HDDC2: variants seen among roughly 807,000 people sequenced by gnomAD.
The protein encoded by HDDC2 is HD domain containing 2, also known as 5'-deoxynucleotidase HDDC2.
In HDDC2, 25 loss-of-function variants were observed where a neutral mutation model predicts 25.5. The observed-to-expected ratio is 0.98, with a 90% CI of 0.72 to 1.37. HDDC2 has a LOEUF of 1.37. HDDC2 is among the 40% of genes most tolerant of loss of function. HDDC2 has a pLI of 0.00. For missense variants in HDDC2, 264 were observed against 253.1 expected, an observed-to-expected ratio of 1.04 and a Z score of -0.29; for synonymous variants, 106 against 89.7, an observed-to-expected ratio of 1.18 and a Z score of -1.03.
chr6:125,292,840 C>T lies in HDDC2; in HGVS notation c.378+1G>A. ...AACAGTAACGTACCATATATACTTA[C>T]TTCCCAAAGTTCATAGAGCTCCTTT... On this transcript the variant is annotated splice_donor_variant, in intron 4 of 5. Transcript: ENST00000398153. LOFTEE classifies it high-confidence loss of function. 1 of 1,608,850 alleles carries T rather than the reference C, an allele frequency of 6.2e-7. No homozygotes were observed. The highest frequency in any genetic ancestry group is 1.1e-5 in the South Asian group (1 of 90,924).
Position 125,276,392 on chromosome 6 carries a change from T to C in HDDC2, c.518-149A>G, listed in dbSNP as rs57058404. On this transcript the variant is annotated intron_variant, in intron 5 of 5. Coordinates refer to ENST00000398153, the MANE Select transcript of HDDC2 (RefSeq NM_016063.3). ...CAAAGCAGAAAGAGATTCCAGGTCCTGGGAAGGGGCTGAAGGGGACCACTT... is the reference window on the plus strand; with the variant it reads ...CAAAGCAGAAAGAGATTCCAGGTCCCGGGAAGGGGCTGAAGGGGACCACTT... 241 of 640,038 alleles carry C rather than the reference T, an allele frequency of 3.8e-4. 6 individuals are homozygous for C. The East Asian group carries it at 6.4e-3, about 17-fold the overall frequency. 39.6% of individuals were successfully genotyped at this position (640,038 alleles called of 1,614,324 possible). A position where few individuals can be genotyped will look rare whatever the true frequency, so the allele number is the denominator to read the frequency against.
chr6:125,294,062 A>G (rs11753452), intron 3 of HDDC2, among the ~76,000 whole-genome samples: 5,994 of 152,214 alleles, frequency 0.039, 164 homozygotes, highest in Non-Finnish European at 0.058. Flanking sequence ...TTTATTTCTG[A>G]ATTACTCCAG....
intron 4 of HDDC2, among the ~76,000 whole-genome samples, chr6:125,286,205 A>G (rs1203798199): frequency 2.0e-5 from 3 of 152,236 alleles, no homozygotes; most frequent in Non-Finnish European, 4.4e-5. Flanking sequence ...AGAAACTGAC[A>G]TAAGGACTGG....
At chr6:125,292,164 G>T (rs1033629525) in intron 4 of HDDC2, among the ~76,000 whole-genome samples, 5 of 152,190 alleles carry the variant, frequency 3.3e-5, no homozygotes, top group Admixed American at 2.0e-4. Flanking sequence ...CTCAAGCAAG[G>T]AAGGGCCATT....
At chr6:125,301,820 C>G (rs951980144) in intron 1 of HDDC2, 29 bp downstream of exon 1, 2 of 1,515,348 alleles carry the variant, frequency 1.3e-6, no homozygotes, top group Non-Finnish European at 1.8e-6. Context: ...CCCGCTCGGC[C>G]GCGGCCTCCC....
intron 4 of HDDC2, among the ~76,000 whole-genome samples, chr6:125,285,748 CAGACTTAAA>C (rs1157304501): frequency 2.0e-5 from 3 of 151,780 alleles, no homozygotes; most frequent in Non-Finnish European, 4.4e-5. Context: ...ATAAAATTAC[CAGACTTAAA>C]AGAAAAAAAA....
intron 3 of HDDC2, among the ~76,000 whole-genome samples, chr6:125,296,128 A>G (rs1283414817): frequency 6.6e-6 from 1 of 151,804 alleles, no homozygotes; most frequent in African/African-American, 2.4e-5. Flanking sequence ...AAAAAAATTA[A>G]AAAAAAAGAT....
chr6:125,298,613 G>C, intron 3 of HDDC2, 101 bp downstream of exon 3: 1 of 815,524 alleles, frequency 1.2e-6, no homozygotes, highest in South Asian at 1.4e-5. Flanking sequence ...AGACTATCAA[G>C]GCGGTATTCT....
chr6:125,291,071 C>T (rs1798624141), intron 4 of HDDC2, among the ~76,000 whole-genome samples: 2 of 152,076 alleles, frequency 1.3e-5, no homozygotes, highest in Non-Finnish European at 2.9e-5. Context: ...AGAGTGTTTC[C>T]CCCTTAGGCG....
Position 125,276,183 on chromosome 6 carries a change from G to C in HDDC2, c.578C>G (p.Thr193Ser). 2 of 1,614,136 alleles carry C rather than the reference G, an allele frequency of 1.2e-6. No individual in the cohort carries two copies. The highest frequency in any genetic ancestry group is 2.7e-5 in the African/African-American group (2 of 75,048). Residue 193 changes from threonine to serine, a missense_variant, in exon 6 of 6, where the codon ACT becomes AGT. Coordinates refer to ENST00000398153, the MANE Select transcript of HDDC2 (RefSeq NM_016063.3). Reference protein sequence around the residue: ...LVSELEAERSTNIAAAASEPH... With the variant: ...LVSELEAERSSNIAAAASEPH... Reference sequence around the variant, plus strand: ...CTCACTGGCAGCTGCAGCTATGTTAGTGCTTCTTTCTGCCTCAAGTTCAGA... The same window carrying C: ...CTCACTGGCAGCTGCAGCTATGTTACTGCTTCTTTCTGCCTCAAGTTCAGA...
intron 3 of HDDC2, among the ~76,000 whole-genome samples, chr6:125,294,422 C>T (rs956533062): frequency 6.6e-6 from 1 of 152,162 alleles, no homozygotes; most frequent in African/African-American, 2.4e-5. Context: ...CATCACACTA[C>T]CCTTAGTAGG....
chr6:125,292,945 C>A (rs749084926), intron 3 of HDDC2, 36 bp from the exon 4 acceptor site: 12 of 1,503,918 alleles, frequency 8.0e-6, no homozygotes. Flanking sequence ...ATTATATTGA[C>A]ATTTATCACA....
chr6:125,291,316 A>G (rs904974114), intron 4 of HDDC2, among the ~76,000 whole-genome samples: 1 of 152,188 alleles, frequency 6.6e-6, no homozygotes, highest in Non-Finnish European at 1.5e-5. Context: ...TGATTATTCA[A>G]CGAGATAGGT....
At chr6:125,290,052 G>A (rs568898288) in intron 4 of HDDC2, among the ~76,000 whole-genome samples, 10 of 152,264 alleles carry the variant, frequency 6.6e-5, no homozygotes, top group African/African-American at 2.2e-4. Context: ...GATCCTCTGG[G>A]CTAAGAAATA....
chr6:125,282,100 CTT>C (rs1798467760), intron 4 of HDDC2, among the ~76,000 whole-genome samples: 1 of 152,138 alleles, frequency 6.6e-6, no homozygotes, highest in Non-Finnish European at 1.5e-5. Context: ...AATCCAAACA[CTT>C]TGGGAGGCCC....
chr6:125,293,281 T>G, intron 3 of HDDC2: 2 of 274,332 alleles, frequency 7.3e-6, no homozygotes, highest in Admixed American at 9.2e-5. Flanking sequence ...CATATGAGAG[T>G]TCAAAACAAA....
At chr6:125,277,048 T>C in intron 5 of HDDC2, 54 bp downstream of exon 5, 1 of 1,590,038 alleles carries the variant, frequency 6.3e-7, no homozygotes, top group Non-Finnish European at 8.6e-7. Flanking sequence ...CATTAGTCAC[T>C]ACACTGAGTA....
intron 1 of HDDC2, 58 bp downstream of exon 1, chr6:125,301,791 C>T: frequency 1.5e-6 from 2 of 1,329,586 alleles, no homozygotes; most frequent in South Asian, 2.6e-5. Context: ...GCCGGAAGCT[C>T]CGCCGCCCCA....
chr6:125,301,197 G>A (rs1798796246), intron 1 of HDDC2, among the ~76,000 whole-genome samples: 1 of 152,098 alleles, frequency 6.6e-6, no homozygotes, highest in Non-Finnish European at 1.5e-5. Flanking sequence ...ACATCTCTAA[G>A]GAATGTTATA....
Sources: gnomAD v4.1 joint callset for allele counts (sites outside exome capture counted in the v4.1 genomes callset) on GRCh38, gnomAD v4.1.1 for gene constraint, MANE v1.5 for transcripts, NCBI Gene and HGNC (gene_info 2026-07-23, HGNC 2026-07-21) for gene names.